RMDN2: variants seen among roughly 807,000 people sequenced by gnomAD.
RMDN2 encodes the protein regulator of microtubule dynamics 2.
RMDN2 carries 61 observed loss-of-function variants against 52.8 expected under a neutral mutation model. The observed-to-expected ratio is 1.16, with a 90% CI of 0.94 to 1.43. RMDN2 has a LOEUF of 1.43. Among genes scored for constraint, RMDN2 ranks in the 40% most tolerant of loss-of-function variants. The probability of loss-of-function intolerance (pLI) is 0.00; values close to 1 mark genes in which losing one functional copy is unlikely to be tolerated. For missense variants in RMDN2, 592 were observed against 475.3 expected (o/e 1.25, Z -2.28); for synonymous variants, 180 against 153.1 (o/e 1.18, Z -1.30).
chr2:38,017,931 G>A (rs535194288), downstream of RMDN2, among the ~76,000 whole-genome samples: 6 of 151,296 alleles, frequency 4.0e-5, no homozygotes, highest in South Asian at 1.3e-3. Context: ...CTTGTTCTCT[G>A]CCTGGCAAGG....
At chr2:38,067,090 G>A in exon 11 of RMDN2, 1 of 1,144,430 alleles carries the variant, frequency 8.7e-7, no homozygotes, top group Non-Finnish European at 1.3e-6. Flanking sequence ...GTGAAGTCAA[G>A]TATTTTTACC....
At chr2:37,978,052 ACT>A (rs1481621473) in intron 4 of RMDN2, among the ~76,000 whole-genome samples, 3 of 152,002 alleles carry the variant, frequency 2.0e-5, no homozygotes, top group Admixed American at 6.6e-5. Context: ...AGTGAGTGAG[ACT>A]CTGTCTGCAA....
intron 10 of RMDN2, among the ~76,000 whole-genome samples, chr2:38,047,672 AT>A (rs2125296286): frequency 6.6e-6 from 1 of 152,272 alleles, no homozygotes; most frequent in Admixed American, 6.5e-5. Context: ...ATTCCTAAAT[AT>A]TGCATTCTTT....
chr2:38,018,683 A>T (rs1193083947), downstream of RMDN2, among the ~76,000 whole-genome samples: 1 of 152,224 alleles, frequency 6.6e-6, no homozygotes. Flanking sequence ...ACACTAAAAT[A>T]GTAGTAGTTT....
At chr2:37,923,365 C>T (rs1248618169), upstream of RMDN2, 1 of 152,168 alleles carries the variant, frequency 6.6e-6, no homozygotes, top group African/African-American at 2.4e-5. Flanking sequence ...TTGGAATAGA[C>T]TGGTAAGGCC....
intron 2 of RMDN2, among the ~76,000 whole-genome samples, chr2:37,948,299 C>T (rs1572744886): frequency 6.6e-6 from 1 of 152,166 alleles, no homozygotes; most frequent in Non-Finnish European, 1.5e-5. Context: ...TTTCTAACAT[C>T]CACATGAGCA....
At chr2:37,987,000 A>AAG (rs1674109719) in intron 5 of RMDN2, among the ~76,000 whole-genome samples, 1 of 152,054 alleles carries the variant, frequency 6.6e-6, no homozygotes, top group African/African-American at 2.4e-5. Context: ...AAGAAAAGAA[A>AAG]ATAAAAGGTA....
chr2:37,962,323 G>A (rs1274329376), intron 2 of RMDN2, among the ~76,000 whole-genome samples: 1 of 152,206 alleles, frequency 6.6e-6, no homozygotes, highest in African/African-American at 2.4e-5. Context: ...TTCTGTCCCA[G>A]GGTGATGGGA....
intron 10 of RMDN2, among the ~76,000 whole-genome samples, chr2:38,041,139 T>C (rs1680922768): frequency 6.6e-6 from 1 of 152,162 alleles, no homozygotes; most frequent in Admixed American, 6.6e-5. Flanking sequence ...GCCTAACTTC[T>C]CCAGTTTCAC....
intron 2 of RMDN2, among the ~76,000 whole-genome samples, chr2:37,964,595 C>T (rs966133570): frequency 6.6e-6 from 1 of 152,040 alleles, no homozygotes; most frequent in African/African-American, 2.4e-5. Flanking sequence ...ATTTCGTGGC[C>T]TAATATATTA....
chr2:38,059,687 G>C (rs1265786454), intron 10 of RMDN2, among the ~76,000 whole-genome samples: 1 of 152,126 alleles, frequency 6.6e-6, no homozygotes, highest in Admixed American at 6.6e-5. Flanking sequence ...AGAGATGAGA[G>C]ATGAACTCAA....
rs551220808 is a variant in RMDN2, at chr2:38,053,057, C to A, written c.1714-13925C>A. Among the ~76,000 whole-genome samples the A allele has an allele frequency of 2.0e-5, 3 of 152,272 alleles. No individual in the cohort carries two copies. The South Asian group carries it at 6.2e-4, about 32-fold the overall frequency. Reference sequence around the variant, plus strand: ...AGGTAGCAGGTTTTAATCTCAGCTGCATCTTAATTCATTGTGAGATTAAAA... The same window carrying A: ...AGGTAGCAGGTTTTAATCTCAGCTGAATCTTAATTCATTGTGAGATTAAAA... On this transcript the variant is annotated intron_variant, in intron 10 of 10. Transcript: ENST00000234195.
chr2:37,933,609 A>G (rs1020451093), intron 2 of RMDN2, among the ~76,000 whole-genome samples: 1 of 152,244 alleles, frequency 6.6e-6, no homozygotes, highest in African/African-American at 2.4e-5. Flanking sequence ...GTCTCCACCA[A>G]AAAAATACGA....
intron 4 of RMDN2, among the ~76,000 whole-genome samples, chr2:37,977,777 G>T (rs1052428802): frequency 3.2e-4 from 48 of 152,006 alleles, no homozygotes; most frequent in African/African-American, 1.1e-3. Flanking sequence ...GCCGGGCAGA[G>T]ACGCTCCTCA....
At chr2:37,986,733 A>G (rs928738891) in intron 5 of RMDN2, among the ~76,000 whole-genome samples, 3 of 152,108 alleles carry the variant, frequency 2.0e-5, no homozygotes, top group African/African-American at 7.2e-5. Context: ...TCTAACACTC[A>G]TTGATAGTGC....
At chr2:38,005,886 G>GT (rs1677009959) in intron 10 of RMDN2, among the ~76,000 whole-genome samples, 1 of 152,182 alleles carries the variant, frequency 6.6e-6, no homozygotes, top group African/African-American at 2.4e-5. Context: ...TGTATAAGGT[G>GT]TAAGGAAGGG....
chr2:37,960,337 G>A (rs200694413), intron 2 of RMDN2, among the ~76,000 whole-genome samples: 2 of 151,122 alleles, frequency 1.3e-5, no homozygotes, highest in African/African-American at 4.9e-5. Flanking sequence ...TGTATTGGGT[G>A]TATATATATA....
Position 37,974,219 on chromosome 2 carries a change from G to A in RMDN2, c.627+5G>A. 1 of 1,605,020 alleles carries A rather than the reference G, an allele frequency of 6.2e-7. No individual in the cohort carries two copies. ...CTTCGTGACCACAAAGAAAAGGTAA[G>A]AGACATAACAATAGCACTTCGTATA... On this transcript the variant is annotated splice_donor_5th_base_variant and intron_variant, in intron 3 of 10. Coordinates refer to ENST00000354545, the MANE Select transcript of RMDN2 (RefSeq NM_001170791.3).
chr2:38,017,527 T>C lies in RMDN2; in HGVS notation c.*288T>C, dbSNP rs1678971568. On this transcript the variant is annotated 3_prime_UTR_variant, in exon 11 of 11. Transcript: ENST00000354545. The stretch of plus-strand genomic sequence containing the variant: ...TAAGAATATTTCTTTAAATAAAATA[T>C]TTAAATCCAATAAAATGAATTCTCA... The C allele has an allele frequency of 8.9e-7, 1 of 1,122,964 alleles. No homozygotes were observed. Among genetic ancestry groups the C allele is most frequent in the Non-Finnish European group, 1.2e-6 (1 of 849,106 alleles). The allele number at this position is 1,122,964 out of a possible 1,614,324, so 69.6% of individuals were successfully genotyped here.
Sources: allele counts gnomAD v4.1 joint callset (sites outside exome capture counted in the v4.1 genomes callset), GRCh38; gene constraint gnomAD v4.1.1; transcripts MANE v1.5; gene names NCBI Gene and HGNC (gene_info 2026-07-23, HGNC 2026-07-21).